Variants in PKIA observed in about 807,000 individuals in gnomAD.
PKIA encodes cAMP-dependent protein kinase inhibitor alpha.
Under a neutral mutation model 7.6 loss-of-function variants are expected in PKIA, and 4 were observed. The ratio of observed to expected loss-of-function variants is 0.52; its 90% CI spans 0.26 to 1.20. The LOEUF (loss-of-function observed/expected upper bound fraction) is 1.20, where lower values mean the gene tolerates loss of function less well. PKIA is among the 50% of genes most tolerant of loss of function. PKIA has a pLI of 0.13. For synonymous variants in PKIA, 21 were observed against 30.7 expected, an observed-to-expected ratio of 0.68 and a Z score of 1.04; for missense variants, 73 against 86.2, an observed-to-expected ratio of 0.85 and a Z score of 0.61.
At chr8:78,521,856 A>G (rs994715905) in intron 1 of PKIA, among the ~76,000 whole-genome samples, 3 of 151,940 alleles carry the variant, frequency 2.0e-5, no homozygotes, top group Non-Finnish European at 4.4e-5. Flanking sequence ...CACATTAAAC[A>G]ATAACCGTTC....
intron 2 of PKIA, among the ~76,000 whole-genome samples, chr8:78,576,928 AC>A (rs1428328890): frequency 6.6e-6 from 1 of 152,064 alleles, no homozygotes; most frequent in Non-Finnish European, 1.5e-5. Context: ...CATGGAATCA[AC>A]CTAAATGCCC....
At chr8:78,525,489 A>C (rs1943063342) in intron 1 of PKIA, among the ~76,000 whole-genome samples, 1 of 152,028 alleles carries the variant, frequency 6.6e-6, no homozygotes, top group South Asian at 2.1e-4. Context: ...ACAGTCCATT[A>C]AATAAGAGGA....
intron 1 of PKIA, among the ~76,000 whole-genome samples, chr8:78,561,159 T>C (rs185258884): frequency 6.6e-6 from 1 of 152,286 alleles, no homozygotes; most frequent in African/African-American, 2.4e-5. Flanking sequence ...TTAAGTATTT[T>C]TTCTGAAGAC....
intron 1 of PKIA, among the ~76,000 whole-genome samples, chr8:78,524,960 T>C (rs902963873): frequency 3.9e-5 from 6 of 151,990 alleles, no homozygotes; most frequent in East Asian, 1.9e-4. Context: ...TACAAAATGA[T>C]TGGTATTCTA....
intron 1 of PKIA, among the ~76,000 whole-genome samples, chr8:78,517,431 A>C (rs967015247): frequency 1.3e-5 from 2 of 152,212 alleles, no homozygotes; most frequent in Non-Finnish European, 2.9e-5. Flanking sequence ...ATGCCAGTCC[A>C]TCCAGTTTTT....
At chr8:78,599,683 A>G (rs1299127139) in intron 3 of PKIA, among the ~76,000 whole-genome samples, 1 of 152,026 alleles carries the variant, frequency 6.6e-6, no homozygotes, top group Admixed American at 6.6e-5. Flanking sequence ...GCTCTGAGAA[A>G]GACTGTATGG....
intron 1 of PKIA, among the ~76,000 whole-genome samples, chr8:78,522,690 T>C (rs762356441): frequency 6.3e-4 from 96 of 151,926 alleles, no homozygotes; most frequent in South Asian, 8.3e-4. Context: ...AAGTGCATCA[T>C]AGATGTCAGT....
intron 2 of PKIA, among the ~76,000 whole-genome samples, chr8:78,597,753 C>T (rs1015895468): frequency 5.3e-5 from 8 of 152,106 alleles, no homozygotes; most frequent in South Asian, 4.1e-4. Context: ...ATTTGTTTTA[C>T]GTATTGGCTA....
intron 1 of PKIA, among the ~76,000 whole-genome samples, chr8:78,561,353 T>C (rs1807281468): frequency 6.6e-6 from 1 of 152,180 alleles, no homozygotes; most frequent in Admixed American, 6.6e-5. Flanking sequence ...GACACAGATA[T>C]AATTTAATCA....
intron 1 of PKIA, among the ~76,000 whole-genome samples, chr8:78,530,346 TAG>T (rs1261919593): frequency 2.6e-5 from 4 of 151,956 alleles, no homozygotes; most frequent in Non-Finnish European, 5.9e-5. Context: ...CTCTATCCTA[TAG>T]GAACTGGTAT....
rs1169624692 is a variant in PKIA at position 78,524,068 on chromosome 8, T to TTA, written c.-157+7607_-157+7608dup. The stretch of plus-strand genomic sequence containing the variant: ...TATAAATATATATAAACATTTATAT[T>TTA]TATATATAAATATAAATAAACATTT... On this transcript the variant is annotated intron_variant, in intron 1 of 3. Transcript: ENST00000396418. Among the ~76,000 whole-genome samples the TTA allele has an allele frequency of 1.0e-4, 8 of 78,268 alleles. 1 individual carries two copies. The highest frequency in any genetic ancestry group is 7.5e-4 in the Admixed American group (6 of 7,974). The allele number at this position is 78,268 out of a possible 152,430, so 51.3% of individuals were successfully genotyped here. A position where few individuals can be genotyped will look rare whatever the true frequency, so the allele number is the denominator to read the frequency against.
At chr8:78,534,609 T>G (rs1806473845) in intron 1 of PKIA, 1 of 152,142 alleles carries the variant, frequency 6.6e-6, no homozygotes, top group Non-Finnish European at 1.5e-5. Context: ...TACTGGTCAC[T>G]AAGGCATCAA....
intron 1 of PKIA, among the ~76,000 whole-genome samples, chr8:78,532,837 C>T (rs888100984): frequency 4.0e-5 from 6 of 151,898 alleles, no homozygotes; most frequent in Admixed American, 2.0e-4. Flanking sequence ...ACCACTTGAA[C>T]CCGACAGGTA....
intron 1 of PKIA, among the ~76,000 whole-genome samples, chr8:78,518,113 C>T (rs756829738): frequency 1.3e-5 from 2 of 152,116 alleles, no homozygotes; most frequent in Non-Finnish European, 1.5e-5. Flanking sequence ...TTACAAATTT[C>T]GTTTTTACAA....
At chr8:78,595,916 T>G (rs942134358) in intron 2 of PKIA, among the ~76,000 whole-genome samples, 2 of 152,164 alleles carry the variant, frequency 1.3e-5, no homozygotes, top group African/African-American at 4.8e-5. Context: ...GGTCTAATGG[T>G]AGTTGTTAGT....
intron 1 of PKIA, among the ~76,000 whole-genome samples, chr8:78,555,656 G>A (rs1364179402): frequency 6.6e-6 from 1 of 152,052 alleles, no homozygotes; most frequent in Non-Finnish European, 1.5e-5. Flanking sequence ...ACAGTGAGAA[G>A]GAGTTGGATA....
chr8:78,590,683 A>G (rs908785590), intron 2 of PKIA, among the ~76,000 whole-genome samples: 1 of 151,880 alleles, frequency 6.6e-6, no homozygotes, highest in Admixed American at 6.6e-5. Flanking sequence ...TTTTATTTTC[A>G]TTAAAATATT....
chr8:78,523,652 A>G (rs566046252), intron 1 of PKIA, among the ~76,000 whole-genome samples: 7 of 151,904 alleles, frequency 4.6e-5, no homozygotes, highest in African/African-American at 1.7e-4. Flanking sequence ...TGTAGAGGAA[A>G]ATAACCTGAA....
intron 3 of PKIA, among the ~76,000 whole-genome samples, chr8:78,601,459 G>A (rs879337841): frequency 1.3e-5 from 2 of 151,992 alleles, no homozygotes; most frequent in African/African-American, 4.8e-5. Flanking sequence ...TGAGATTTCT[G>A]AGCTATTTAT....
Sources: gnomAD v4.1 joint callset for allele counts (sites outside exome capture counted in the v4.1 genomes callset) on GRCh38, gnomAD v4.1.1 for gene constraint, MANE v1.5 for transcripts, NCBI Gene and HGNC (gene_info 2026-07-23, HGNC 2026-07-21) for gene names.